DGKK: variants seen among roughly 807,000 people sequenced by gnomAD.
DGKK encodes the protein diacylglycerol kinase kappa.
Under a neutral mutation model 92.2 loss-of-function variants are expected in DGKK, and 35 were observed. The ratio of observed to expected loss-of-function variants is 0.38; its 90% CI spans 0.29 to 0.50. DGKK has a LOEUF of 0.50. DGKK is among the 20% of genes least tolerant of loss of function. The probability of loss-of-function intolerance (pLI) is 0.92; values close to 1 mark genes in which losing one functional copy is unlikely to be tolerated. For synonymous variants in DGKK, 368 were observed against 360.6 expected, an observed-to-expected ratio of 1.02 and a Z score of -0.23; for missense variants, 910 against 992.2, an observed-to-expected ratio of 0.92 and a Z score of 1.11.
At chrX:50,403,784 C>T (rs1925074072) in intron 5 of DGKK, among the ~76,000 whole-genome samples, 187 bp from the exon 6 acceptor site, 1 of 111,740 alleles carries the variant, frequency 8.9e-6, no homozygotes, top group Non-Finnish European at 1.9e-5. Context: ...TTTTTATTAT[C>T]CAACTTGAAT....
At chrX:50,415,182 G>T (rs1158054915) in intron 4 of DGKK, among the ~76,000 whole-genome samples, 2 of 111,822 alleles carry the variant, frequency 1.8e-5, no homozygotes, top group African/African-American at 6.5e-5. Flanking sequence ...CACAGCATTG[G>T]CACTGCCCTG....
At chrX:50,455,791 G>A (rs1926595113) in intron 1 of DGKK, among the ~76,000 whole-genome samples, 1 of 111,725 alleles carries the variant, frequency 9.0e-6, no homozygotes, top group Admixed American at 9.5e-5. Flanking sequence ...TTTCTCTCCT[G>A]GTTTGCTTCC....
chrX:50,397,509 G>A (rs1475103651), intron 8 of DGKK, among the ~76,000 whole-genome samples: 1 of 111,659 alleles, frequency 9.0e-6, no homozygotes, highest in African/African-American at 3.3e-5. Flanking sequence ...GTGTTTCTAG[G>A]ACTAGTAGTA....
intron 15 of DGKK, 46 bp downstream of exon 15, chrX:50,386,311 AC>A (rs1924541909): frequency 9.6e-7 from 1 of 1,045,269 alleles, no homozygotes. Flanking sequence ...ATCCTCTGGA[AC>A]TTTTTCTTTC....
intron 26 of DGKK, 26 bp from the exon 27 acceptor site, chrX:50,370,575 A>G: frequency 8.4e-7 from 1 of 1,183,925 alleles, no homozygotes; most frequent in Non-Finnish European, 1.1e-6. Context: ...AGGAAGGTCA[A>G]AATGTTAGTT....
At chrX:50,429,715 G>C (rs1881705445) in intron 1 of DGKK, among the ~76,000 whole-genome samples, 1 of 112,247 alleles carries the variant, frequency 8.9e-6, no homozygotes, top group African/African-American at 3.2e-5. Context: ...TCTATGAACA[G>C]CTCTGACTAT....
intron 25 of DGKK, among the ~76,000 whole-genome samples, chrX:50,372,266 C>CTTACAAGGTACTATTGTTTTCA (rs1924155266): frequency 8.9e-6 from 1 of 111,769 alleles, no homozygotes; most frequent in Non-Finnish European, 1.9e-5. Flanking sequence ...CTTACAATAC[C>CTTACAAGGTACTATTGTTTTCA]TTACAAGGTA....
At chrX:50,398,549 A>C (rs1304527932) in intron 8 of DGKK, among the ~76,000 whole-genome samples, 1 of 112,245 alleles carries the variant, frequency 8.9e-6, no homozygotes, top group East Asian at 2.8e-4. Flanking sequence ...AACAAAAAGA[A>C]TAGATTAGCC....
rs1357704066 is a variant in DGKK, at chrX:50,424,505, T to C, written c.646-147A>G. ...GCCTGAAGGCCAGGTGAGAACACAG[T>C]GAAGCTCATTCAATCAGATGAGACA... is the stretch of plus-strand genomic sequence containing the variant. On this transcript the variant is annotated intron_variant, in intron 1 of 27. Coordinates refer to ENST00000611977, the MANE Select transcript of DGKK (RefSeq NM_001013742.4). 3.7e-5 allele frequency: 17 copies of C among 460,535 alleles called. No individual in the cohort carries two copies. The East Asian group carries it at 6.4e-4, about 17-fold the overall frequency. 38.0% of individuals were successfully genotyped at this position (460,535 alleles called of 1,213,427 possible). A position where few individuals can be genotyped will look rare whatever the true frequency, so the allele number is the denominator to read the frequency against.
chrX:50,444,643 A>C (rs1244068724), intron 1 of DGKK, among the ~76,000 whole-genome samples: 2 of 110,822 alleles, frequency 1.8e-5, no homozygotes, highest in African/African-American at 6.6e-5. Flanking sequence ...GTATGGCTGC[A>C]TAGTATTCCA....
At chrX:50,394,527 C>T (rs1449281083) in intron 8 of DGKK, among the ~76,000 whole-genome samples, 5 of 111,556 alleles carry the variant, frequency 4.5e-5, no homozygotes, top group Non-Finnish European at 9.4e-5. Context: ...AGTTACTTTC[C>T]CCGAATACAT....
At chrX:50,414,701 A>G (rs1189082645) in intron 4 of DGKK, among the ~76,000 whole-genome samples, 1 of 111,814 alleles carries the variant, frequency 8.9e-6, no homozygotes, top group Non-Finnish European at 1.9e-5. Flanking sequence ...GTCTGTCCAC[A>G]TTACAAAAAA....
At chrX:50,468,412 C>G (rs1926964205) in intron 1 of DGKK, among the ~76,000 whole-genome samples, 1 of 111,029 alleles carries the variant, frequency 9.0e-6, no homozygotes, top group African/African-American at 3.3e-5. Flanking sequence ...GATCAATCAC[C>G]CGGTGAGGGT....
rs61311370 is a variant in DGKK at position 50,447,369 on chromosome X, TTA to T, written c.645+22663_645+22664del. Among the ~76,000 whole-genome samples, 64 of 11,608 alleles carry T rather than the reference TTA, an allele frequency of 5.5e-3. 1 individual carries two copies. The highest frequency in any genetic ancestry group is 9.2e-3 in the African/African-American group (8 of 869). The allele number at this position is 11,608 out of a possible 115,157, so 10.1% of individuals were successfully genotyped here. Reference sequence around the variant, plus strand: ...TATATATATATATAATATATATATATTATATATATATATAATATATATATATT... The same window carrying T: ...TATATATATATATAATATATATATATTATATATATATAATATATATATATT... On this transcript the variant is annotated intron_variant, in intron 1 of 27. Transcript: ENST00000611977.
At chrX:50,403,433 T>C in intron 6 of DGKK, 58 bp downstream of exon 6, 4 of 1,063,432 alleles carry the variant, frequency 3.8e-6, no homozygotes, top group Non-Finnish European at 5.3e-6. Context: ...CCCCTGTGTA[T>C]CCTGGTTGAA....
At chrX:50,454,103 C>A (rs781895554) in intron 1 of DGKK, among the ~76,000 whole-genome samples, 1 of 110,759 alleles carries the variant, frequency 9.0e-6, no homozygotes, top group South Asian at 3.9e-4. Context: ...TCAGCACCTC[C>A]ACCCAAATAA....
intron 1 of DGKK, among the ~76,000 whole-genome samples, chrX:50,438,658 C>T (rs1227643037): frequency 9.0e-6 from 1 of 111,581 alleles, no homozygotes; most frequent in Non-Finnish European, 1.9e-5. Flanking sequence ...AATATGGCAC[C>T]TGGGAAAGAC....
chrX:50,434,742 A>G (rs782435318), intron 1 of DGKK, among the ~76,000 whole-genome samples: 1 of 111,747 alleles, frequency 8.9e-6, no homozygotes, highest in East Asian at 2.8e-4. Context: ...TGAATTTTGC[A>G]TATATACAAC....
chrX:50,369,099 G>A (rs1924047871), intron 27 of DGKK, 80 bp from the exon 28 acceptor site: 1 of 743,989 alleles, frequency 1.3e-6, no homozygotes, highest in Non-Finnish European at 2.0e-6. Flanking sequence ...CCAAAAGAGA[G>A]CAAAAAGTCT....
Sources: gnomAD v4.1 joint callset for allele counts (sites outside exome capture counted in the v4.1 genomes callset) on GRCh38, gnomAD v4.1.1 for gene constraint, MANE v1.5 for transcripts, NCBI Gene and HGNC (gene_info 2026-07-23, HGNC 2026-07-21) for gene names.